Variants in TCEA3 observed in about 807,000 individuals in gnomAD.
The protein encoded by TCEA3 is transcription elongation factor A protein 3.
A neutral mutation model predicts 44.0 loss-of-function variants in TCEA3; 36 were observed. That is an observed-to-expected ratio of 0.82 (90% CI 0.63 to 1.08). The LOEUF is 1.08. Ranked by LOEUF, TCEA3 falls within the 50% of genes least tolerant of loss-of-function variation. The pLI is 0.00. For synonymous variants in TCEA3, 162 were observed against 159.7 expected (o/e 1.01, Z -0.11); for missense variants, 392 against 441.2 (o/e 0.89, Z 1.00).
At chr1:23,411,350 G>A (rs2148575740) in intron 4 of TCEA3, 1 of 153,676 alleles carries the variant, frequency 6.5e-6, no homozygotes, top group East Asian at 1.9e-4. Flanking sequence ...TAGAGATGGG[G>A]TTTTGCCATG....
chr1:23,402,032 T>G (rs962453164), intron 5 of TCEA3, among the ~76,000 whole-genome samples: 3 of 152,186 alleles, frequency 2.0e-5, no homozygotes, highest in Non-Finnish European at 4.4e-5. Context: ...CAGCTTCCAA[T>G]TATTTTTAGC....
At chr1:23,397,465 C>T (rs941778354) in intron 7 of TCEA3, 80 bp downstream of exon 7, 3 of 1,364,968 alleles carry the variant, frequency 2.2e-6, no homozygotes, top group African/African-American at 2.9e-5. Context: ...TCCTTCCTCA[C>T]TCTCCCAGCT....
chr1:23,382,953 C>T (rs534081890), intron 10 of TCEA3, among the ~76,000 whole-genome samples: 4 of 152,284 alleles, frequency 2.6e-5, no homozygotes, highest in African/African-American at 9.6e-5. Context: ...TCTAATGAGG[C>T]CCCAGTAAGG....
At chr1:23,399,511 A>T (rs1639334569) in intron 5 of TCEA3, among the ~76,000 whole-genome samples, 1 of 151,948 alleles carries the variant, frequency 6.6e-6, no homozygotes, top group East Asian at 1.9e-4. Flanking sequence ...TCAACATATG[A>T]ATTTTAGGGG....
chr1:23,399,136 GTATATATGTATA>G (rs1289281536), intron 5 of TCEA3, among the ~76,000 whole-genome samples: 14 of 58,684 alleles, frequency 2.4e-4, no homozygotes, highest in African/African-American at 5.2e-4. Flanking sequence ...TTATATATAT[GTATATATGTATA>G]TATATATATA....
At chr1:23,407,486 T>C (rs1264217597) in intron 5 of TCEA3, among the ~76,000 whole-genome samples, 1 of 152,024 alleles carries the variant, frequency 6.6e-6, no homozygotes, top group Non-Finnish European at 1.5e-5. Context: ...CCTCAGCCAC[T>C]TCACTGTTCC....
chr1:23,402,802 T>G (rs1639437432), intron 5 of TCEA3, among the ~76,000 whole-genome samples: 1 of 152,126 alleles, frequency 6.6e-6, no homozygotes, highest in Non-Finnish European at 1.5e-5. Context: ...CCTGTAACAG[T>G]GCTCTAGGTG....
intron 5 of TCEA3, among the ~76,000 whole-genome samples, chr1:23,408,027 T>G (rs929592957): frequency 2.6e-5 from 4 of 152,148 alleles, no homozygotes; most frequent in Non-Finnish European, 5.9e-5. Flanking sequence ...AGTGGCGCGA[T>G]CTCGGCTCAC....
chr1:23,408,707 T>G lies in TCEA3; in HGVS notation c.400A>C (p.Lys134Gln), dbSNP rs779785874. The G allele has an allele frequency of 6.2e-6, 10 of 1,610,762 alleles. No homozygotes were observed. In the South Asian group the frequency reaches 1.0e-4, roughly 16 times the overall value. Residue 134 changes from lysine (K) to glutamine (Q), a missense_variant, in exon 5 of 11, where the codon AAG becomes CAG. By Grantham distance (53) the Lys-to-Gln change is moderately conservative. Transcript: ENST00000450454. ...PKTRRDSVDSKSSASSSPKRP... is the reference protein window; with the variant it reads ...PKTRRDSVDSQSSASSSPKRP... ...TTTGGAGAGGAGGAGGCAGAAGACT[T>G]GGAGTCCACAGAGTCTCTCCTGAAA...
intron 4 of TCEA3, among the ~76,000 whole-genome samples, chr1:23,413,298 G>A (rs759006809): frequency 4.7e-5 from 7 of 150,312 alleles, no homozygotes; most frequent in Non-Finnish European, 1.0e-4. Flanking sequence ...CACCACGCCC[G>A]GCTAATTTTT....
intron 5 of TCEA3, among the ~76,000 whole-genome samples, chr1:23,406,981 A>ATCCAACTGCATATTTGACTTC (rs1553168135): frequency 2.0e-5 from 3 of 152,162 alleles, no homozygotes; most frequent in Non-Finnish European, 4.4e-5. Flanking sequence ...GCCTCATATA[A>ATCCAACTGCATATTTGACTTC]TCCAACTGCA....
At chr1:23,409,533 A>G (rs1447919488) in intron 4 of TCEA3, among the ~76,000 whole-genome samples, 2 of 151,864 alleles carry the variant, frequency 1.3e-5, no homozygotes, top group Non-Finnish European at 2.9e-5. Context: ...GTCACCTTCT[A>G]GCATACTACA....
At chr1:23,413,986 G>GTATATATATATATA (rs33960365) in intron 4 of TCEA3, among the ~76,000 whole-genome samples, 242 of 140,990 alleles carry the variant, frequency 1.7e-3, no homozygotes, top group African/African-American at 5.5e-3. Context: ...CTAGCAGGAT[G>GTATATATATATATA]TATATATATA....
At chr1:23,399,178 A>ATATATATATATATC (rs1425816669) in intron 5 of TCEA3, among the ~76,000 whole-genome samples, 2 of 141,118 alleles carry the variant, frequency 1.4e-5, no homozygotes, top group Non-Finnish European at 3.1e-5. Flanking sequence ...ATATATATAT[A>ATATATATATATATC]TCCATATGTG....
chr1:23,394,138 A>G (rs1174274610), intron 7 of TCEA3, 105 bp from the exon 8 acceptor site: 2 of 1,368,042 alleles, frequency 1.5e-6, no homozygotes, highest in East Asian at 2.4e-5. Context: ...CTCTCCTCGG[A>G]CTTCTACAGG....
At chr1:23,423,938 G>GGGCCCCCGCACCTGTTC in intron 1 of TCEA3, 1 of 444,268 alleles carries the variant, frequency 2.3e-6, no homozygotes, top group South Asian at 1.6e-5. Flanking sequence ...CCCGCCCCGC[G>GGGCCCCCGCACCTGTTC]GGCCCCCGCA....
rs565527682 is a variant in TCEA3, at chr1:23,393,647, G to A, written c.819+232C>T. On this transcript the variant is annotated intron_variant, in intron 8 of 10. Transcript: ENST00000450454. ...ATAATACACCTTTCTATCTCAGTTG[G>A]TGTGAACATAAACTTGGCCAATTCG... 5.3e-5 allele frequency among the ~76,000 whole-genome samples: 8 copies of A among 152,338 alleles called. No homozygotes were observed. The South Asian group carries it at 1.2e-3, about 24-fold the overall frequency.
chr1:23,401,257 G>A (rs555477036), intron 5 of TCEA3, among the ~76,000 whole-genome samples: 30 of 152,144 alleles, frequency 2.0e-4, no homozygotes, highest in Non-Finnish European at 3.4e-4. Flanking sequence ...CATGCATACC[G>A]GTGAGGTGGG....
At chr1:23,412,399 CAAAA>C (rs1267820171) in intron 4 of TCEA3, among the ~76,000 whole-genome samples, 1 of 55,630 alleles carries the variant, frequency 1.8e-5, no homozygotes. Flanking sequence ...GACTCTGTCT[CAAAA>C]AAAAAAAAAA....
Sources: allele counts gnomAD v4.1 joint callset (sites outside exome capture counted in the v4.1 genomes callset), GRCh38; gene constraint gnomAD v4.1.1; transcripts MANE v1.5; gene names NCBI Gene and HGNC (gene_info 2026-07-23, HGNC 2026-07-21).